SDK1: variants seen among roughly 807,000 people sequenced by gnomAD.
The protein encoded by SDK1 is sidekick cell adhesion molecule 1.
A neutral mutation model predicts 245.5 loss-of-function variants in SDK1; 157 were observed. That is an observed-to-expected ratio of 0.64 (90% CI 0.56 to 0.73). The LOEUF is 0.73. Ranked by LOEUF, SDK1 falls within the 30% of genes least tolerant of loss-of-function variation. SDK1 has a pLI of 0.00. For missense variants in SDK1, 3,583 were observed against 3,002.3 expected (o/e 1.19, Z -4.52); for synonymous variants, 1,647 against 1,278.5 (o/e 1.29, Z -6.15).
At chr7:3,928,798 C>A (rs950461390) in intron 5 of SDK1, among the ~76,000 whole-genome samples, 1 of 152,222 alleles carries the variant, frequency 6.6e-6, no homozygotes, top group African/African-American at 2.4e-5. Context: ...GAGGGTGTTA[C>A]CCCGCTTTAC....
At chr7:3,640,345 C>G (rs10276626) in intron 3 of SDK1, among the ~76,000 whole-genome samples, 46,470 of 152,012 alleles carry the variant, frequency 0.31, 7,378 homozygotes, top group South Asian at 0.45. Flanking sequence ...CCAATTAAGT[C>G]TTGTAGCTTT....
chr7:4,058,819 T>A (rs1433416911), intron 19 of SDK1, among the ~76,000 whole-genome samples: 1 of 152,166 alleles, frequency 6.6e-6, no homozygotes, highest in Non-Finnish European at 1.5e-5. Flanking sequence ...GGAATTCATC[T>A]CCACTGGACT....
chr7:3,862,340 C>G (rs995536059), intron 5 of SDK1, among the ~76,000 whole-genome samples: 2 of 152,302 alleles, frequency 1.3e-5, no homozygotes, highest in East Asian at 3.9e-4. Flanking sequence ...TGACAGATCC[C>G]TGGTTCAGAC....
chr7:3,302,962 T>C (rs976904393), intron 1 of SDK1, among the ~76,000 whole-genome samples: 1 of 152,142 alleles, frequency 6.6e-6, no homozygotes, highest in African/African-American at 2.4e-5. Context: ...GTTGTAACAT[T>C]TTAAAGGTCT....
At chr7:3,855,663 C>G (rs1027767578) in intron 5 of SDK1, among the ~76,000 whole-genome samples, 1 of 152,080 alleles carries the variant, frequency 6.6e-6, no homozygotes, top group African/African-American at 2.4e-5. Flanking sequence ...AGGTAATGTA[C>G]AAAGAAGCCC....
intron 5 of SDK1, among the ~76,000 whole-genome samples, chr7:3,886,081 C>G (rs754819508): frequency 2.6e-5 from 4 of 152,130 alleles, no homozygotes; most frequent in Non-Finnish European, 5.9e-5. Context: ...ATGGTGGCCC[C>G]GCAGAGACCT....
chr7:3,641,308 C>A (rs1023097937), intron 3 of SDK1, among the ~76,000 whole-genome samples: 1 of 152,076 alleles, frequency 6.6e-6, no homozygotes, highest in Non-Finnish European at 1.5e-5. Flanking sequence ...TTAAAATTAG[C>A]CTTTTATACC....
chr7:3,352,200 C>G (rs1232676365), intron 1 of SDK1, among the ~76,000 whole-genome samples: 1 of 150,170 alleles, frequency 6.7e-6, no homozygotes, highest in Admixed American at 6.6e-5. Context: ...AAATCTGTCA[C>G]TTAAATACAA....
intron 5 of SDK1, among the ~76,000 whole-genome samples, chr7:3,861,132 G>A (rs757471927): frequency 1.3e-5 from 2 of 152,164 alleles, no homozygotes; most frequent in Admixed American, 6.5e-5. Context: ...ATGATCACAG[G>A]GAGACACGCG....
chr7:3,356,915 C>T (rs7785561), intron 1 of SDK1, among the ~76,000 whole-genome samples: 3 of 151,818 alleles, frequency 2.0e-5, no homozygotes, highest in East Asian at 1.9e-4. Flanking sequence ...ATTAGCTGGG[C>T]ATGGTGGTGC....
intron 22 of SDK1, among the ~76,000 whole-genome samples, chr7:4,081,244 C>A (rs1337684110): frequency 6.6e-6 from 1 of 152,158 alleles, no homozygotes; most frequent in Non-Finnish European, 1.5e-5. Flanking sequence ...GATGACGCTC[C>A]TTTGGCCCAT....
chr7:3,424,257 C>G (rs1779614911), intron 1 of SDK1, among the ~76,000 whole-genome samples: 1 of 152,066 alleles, frequency 6.6e-6, no homozygotes, highest in Non-Finnish European at 1.5e-5. Context: ...TCATTTTGAA[C>G]AAATTGTAAG....
At chr7:3,363,991 A>G (rs1457737433) in intron 1 of SDK1, among the ~76,000 whole-genome samples, 2 of 152,152 alleles carry the variant, frequency 1.3e-5, no homozygotes, top group Admixed American at 6.5e-5. Flanking sequence ...CATTTTGGCC[A>G]TTCTGAGATG....
chr7:3,710,326 C>G lies in SDK1; in HGVS notation c.713+68221C>G, dbSNP rs540551764. ...TAGGTGGGCGTGAGATCCTCACATA[C>G]TGAACACACACTTAGTAACTTTCTT... is the stretch of plus-strand genomic sequence containing the variant. On this transcript the variant is annotated intron_variant, in intron 4 of 44. Coordinates refer to ENST00000404826, the MANE Select transcript of SDK1 (RefSeq NM_152744.4). 5.3e-5 allele frequency among the ~76,000 whole-genome samples: 8 copies of G among 152,346 alleles called. No individual in the cohort carries two copies. In the East Asian group the frequency reaches 1.5e-3, roughly 29 times the overall value.
At chr7:3,985,452 C>T (rs565670628) in intron 13 of SDK1, among the ~76,000 whole-genome samples, 28 of 152,242 alleles carry the variant, frequency 1.8e-4, no homozygotes, top group South Asian at 1.0e-3. Flanking sequence ...CTGGCATTTC[C>T]GCCTCTAATG....
Position 3,672,766 on chromosome 7 carries a change from T to TAC in SDK1, c.713+30662_713+30663insCA, listed in dbSNP as rs1226753258. Among the ~76,000 whole-genome samples the TAC allele has an allele frequency of 1.5e-3, 110 of 74,268 alleles. 11 individuals carry two copies. The highest frequency in any genetic ancestry group is 6.6e-3 in the South Asian group (16 of 2,426). The allele number at this position is 74,268 out of a possible 152,430, so 48.7% of individuals were successfully genotyped here. On this transcript the variant is annotated intron_variant, in intron 4 of 44. Transcript: ENST00000404826. ...TTTTTATAATATATAATTTTATATATATATATATATATATATATATATATA... is the reference window on the plus strand; with the variant it reads ...TTTTTATAATATATAATTTTATATATACATATATATATATATATATATATATA...
Position 3,679,294 on chromosome 7 carries a change from C to T in SDK1, c.713+37189C>T, listed in dbSNP as rs536132101. On this transcript the variant is annotated intron_variant, in intron 4 of 44. Coordinates refer to ENST00000404826, the MANE Select transcript of SDK1 (RefSeq NM_152744.4). ...GAAAATGGGCAAAGGAGGCCAGGTGCGGTGGCTCATGCCTGTAATCCCAGC... is the reference window on the plus strand; with the variant it reads ...GAAAATGGGCAAAGGAGGCCAGGTGTGGTGGCTCATGCCTGTAATCCCAGC... Among the ~76,000 whole-genome samples, 18 of 151,346 alleles carry T rather than the reference C, an allele frequency of 1.2e-4. No homozygotes were observed. In the South Asian group the frequency reaches 1.9e-3, roughly 16 times the overall value.
In SDK1 at chr7:3,966,501, G is replaced by C. The variant is rs567794249; in HGVS notation, c.1430-817G>C. ...TCCTCGGTCTGACTCAGGGCTGCTC[G>C]GGGCCGTGACCATCCCCCATGAACA... On this transcript the variant is annotated intron_variant, in intron 9 of 44. Coordinates refer to ENST00000404826, the MANE Select transcript of SDK1 (RefSeq NM_152744.4). Among the ~76,000 whole-genome samples the C allele has an allele frequency of 5.9e-5, 9 of 152,168 alleles. No individual in the cohort carries two copies. In the East Asian group the frequency reaches 1.7e-3, roughly 29 times the overall value.
At chr7:3,896,279 A>G (rs566104737) in intron 5 of SDK1, among the ~76,000 whole-genome samples, 13 of 152,290 alleles carry the variant, frequency 8.5e-5, no homozygotes, top group South Asian at 4.1e-4. Context: ...TGTCCTTAAT[A>G]CTTCTTGAAG....
Sources: gnomAD v4.1 joint callset for allele counts (sites outside exome capture counted in the v4.1 genomes callset) on GRCh38, gnomAD v4.1.1 for gene constraint, MANE v1.5 for transcripts, NCBI Gene and HGNC (gene_info 2026-07-23, HGNC 2026-07-21) for gene names.